SP140L: variants seen among roughly 807,000 people sequenced by gnomAD.
The protein encoded by SP140L is SP140 like nuclear body protein, also known as nuclear body protein SP140-like protein.
Under a neutral mutation model 84.3 loss-of-function variants are expected in SP140L, and 64 were observed. That is an observed-to-expected ratio of 0.76 (90% CI 0.62 to 0.94). SP140L has a LOEUF of 0.94. Among genes scored for constraint, SP140L ranks in the 40% least tolerant of loss-of-function variants. The pLI is 0.00. For missense variants in SP140L, 628 were observed against 692.5 expected, an observed-to-expected ratio of 0.91 and a Z score of 1.05; for synonymous variants, 242 against 236.9, an observed-to-expected ratio of 1.02 and a Z score of -0.20.
chr2:230,393,132 A>G (rs1280991638), intron 12 of SP140L, among the ~76,000 whole-genome samples: 1 of 152,132 alleles, frequency 6.6e-6, no homozygotes, highest in African/African-American at 2.4e-5. Context: ...GCAACTGGAA[A>G]AGAAGTGATA....
rs2059606932 is a variant in SP140L, at chr2:230,327,314, C to T, written c.32+13C>T. ...ACCTGAGCACCAGGTGAGTCTTTAT[C>T]TCTCTTCCTTTCACCTTTATCTCTG... On this transcript the variant is annotated intron_variant, in intron 1 of 18. Coordinates refer to ENST00000415673, the MANE Select transcript of SP140L (RefSeq NM_138402.6). 6.2e-7 allele frequency: 1 copy of T among 1,609,270 alleles called. No individual in the cohort carries two copies. The highest frequency in any genetic ancestry group is 1.7e-5 in the Admixed American group (1 of 59,322).
intron 4 of SP140L, among the ~76,000 whole-genome samples, chr2:230,360,274 C>A (rs2060675439): frequency 2.6e-5 from 4 of 152,078 alleles, no homozygotes; most frequent in Admixed American, 2.6e-4. Context: ...AGTATAGGAG[C>A]TGACTTAAGA....
At chr2:230,386,673 G>A (rs1403131556) in intron 9 of SP140L, among the ~76,000 whole-genome samples, 1 of 152,124 alleles carries the variant, frequency 6.6e-6, no homozygotes, top group Non-Finnish European at 1.5e-5. Context: ...AGTTTGTTCT[G>A]TACCAAAACC....
At chr2:230,396,974 T>A (rs1043843299) in intron 14 of SP140L, among the ~76,000 whole-genome samples, 176 bp downstream of exon 14, 3 of 152,194 alleles carry the variant, frequency 2.0e-5, no homozygotes, top group African/African-American at 7.2e-5. Context: ...CTTGGATGTC[T>A]TGCAGTGTGA....
intron 7 of SP140L, among the ~76,000 whole-genome samples, chr2:230,375,513 C>T (rs1037789785): frequency 6.6e-6 from 1 of 152,176 alleles, no homozygotes; most frequent in Non-Finnish European, 1.5e-5. Flanking sequence ...TTCCCACTTA[C>T]AGCATACAGG....
chr2:230,331,216 A>C (rs911281816), intron 2 of SP140L, among the ~76,000 whole-genome samples: 1 of 152,208 alleles, frequency 6.6e-6, no homozygotes, highest in Non-Finnish European at 1.5e-5. Context: ...CCACATTTAC[A>C]TAACTTTTAT....
intron 2 of SP140L, 107 bp downstream of exon 2, chr2:230,328,938 T>C (rs76255887): frequency 0.043 from 61,354 of 1,430,578 alleles, 1,599 homozygotes; most frequent in Non-Finnish European, 0.049. Flanking sequence ...TCCATAATTT[T>C]TTTGTTTATT....
rs760421071 is a variant in SP140L, at chr2:230,400,162, C to T, written c.1233C>T (p.Asp411=). 19 of 1,614,032 alleles carry T rather than the reference C, an allele frequency of 1.2e-5. No individual in the cohort carries two copies. The highest frequency in any genetic ancestry group is 6.6e-5 in the South Asian group (6 of 91,082). The part of the protein sequence containing the change: ...RNLDECEVCR[D]GGELFCCDTC... ...TGGATGAGTGTGAGGTGTGCCGGGACGGAGGGGAGCTGTTCTGTTGCGACA... is the reference window on the plus strand; with the variant it reads ...TGGATGAGTGTGAGGTGTGCCGGGATGGAGGGGAGCTGTTCTGTTGCGACA... The change falls in exon 15 of 19, where the codon GAC becomes GAT. Residue 411 remains aspartate (D), a synonymous_variant. Coordinates refer to ENST00000415673, the MANE Select transcript of SP140L (RefSeq NM_138402.6).
At chr2:230,362,949 T>C (rs1338886575) in intron 5 of SP140L, among the ~76,000 whole-genome samples, 1 of 151,174 alleles carries the variant, frequency 6.6e-6, no homozygotes, top group African/African-American at 2.4e-5. Context: ...AGAATCCTCA[T>C]AGAAAGACCA....
intron 2 of SP140L, among the ~76,000 whole-genome samples, chr2:230,340,588 G>A (rs878992520): frequency 2.2e-5 from 3 of 138,796 alleles, no homozygotes; most frequent in African/African-American, 5.4e-5. Context: ...TCCTAGTCTC[G>A]ATGGTCTTTA....
intron 14 of SP140L, among the ~76,000 whole-genome samples, chr2:230,399,607 A>C (rs2062218241): frequency 6.6e-6 from 1 of 152,224 alleles, no homozygotes; most frequent in South Asian, 2.1e-4. Context: ...GTAGGTGCAC[A>C]GCCCTCTAGG....
intron 2 of SP140L, among the ~76,000 whole-genome samples, chr2:230,339,340 A>G (rs1039713162): frequency 2.6e-5 from 4 of 151,580 alleles, no homozygotes; most frequent in African/African-American, 9.7e-5. Flanking sequence ...ATCGGTGGTG[A>G]CATCCCCTTT....
intron 5 of SP140L, among the ~76,000 whole-genome samples, chr2:230,367,198 G>A (rs765886392): frequency 5.3e-5 from 8 of 151,632 alleles, no homozygotes; most frequent in Non-Finnish European, 7.4e-5. Flanking sequence ...ATAATAGGCT[G>A]TTTTAAGCTG....
chr2:230,366,710 C>CTATTATTAT (rs60410770), intron 5 of SP140L, among the ~76,000 whole-genome samples: 16,241 of 144,284 alleles, frequency 0.11, 1,195 homozygotes, highest in Non-Finnish European at 0.15. Flanking sequence ...GGATTATTAT[C>CTATTATTAT]TATTATTATT....
intron 2 of SP140L, among the ~76,000 whole-genome samples, chr2:230,338,134 A>T (rs1432309808): frequency 1.5e-5 from 2 of 130,108 alleles, no homozygotes; most frequent in Non-Finnish European, 3.3e-5. Flanking sequence ...TGAGCATGGA[A>T]TGTTCTTCCA....
intron 2 of SP140L, among the ~76,000 whole-genome samples, chr2:230,335,159 G>T (rs1237680186): frequency 1.3e-5 from 2 of 151,586 alleles, no homozygotes; most frequent in East Asian, 3.9e-4. Context: ...CTTATTTTTT[G>T]TTTGAGATAT....
chr2:230,357,745 A>G (rs1362100295), intron 2 of SP140L, 60 bp from the exon 3 acceptor site: 22 of 1,534,074 alleles, frequency 1.4e-5, no homozygotes, highest in East Asian at 2.3e-5. Flanking sequence ...AAATCTTACC[A>G]TCTCCACAAA....
chr2:230,355,523 G>A (rs972176392), intron 2 of SP140L, among the ~76,000 whole-genome samples: 1 of 152,018 alleles, frequency 6.6e-6, no homozygotes. Context: ...AATCCAAAAG[G>A]CTTTTCTCAT....
At chr2:230,381,722 AC>A (rs2061413911) in intron 7 of SP140L, among the ~76,000 whole-genome samples, 1 of 52,550 alleles carries the variant, frequency 1.9e-5, no homozygotes, top group Non-Finnish European at 4.9e-5. Context: ...ACACACACAC[AC>A]ACACACACAC....
Sources: allele counts gnomAD v4.1 joint callset (sites outside exome capture counted in the v4.1 genomes callset), GRCh38; gene constraint gnomAD v4.1.1; transcripts MANE v1.5; gene names NCBI Gene and HGNC (gene_info 2026-07-23, HGNC 2026-07-21).